Variants in STXBP4 observed in about 807,000 individuals in gnomAD.
STXBP4 encodes the protein syntaxin-binding protein 4.
Under a neutral mutation model 76.1 loss-of-function variants are expected in STXBP4, and 55 were observed. The observed-to-expected ratio is 0.72, with a 90% CI of 0.58 to 0.91. STXBP4 has a LOEUF of 0.91. Ranked by LOEUF, STXBP4 falls within the 40% of genes least tolerant of loss-of-function variation. The pLI is 0.00. For synonymous variants in STXBP4, 201 were observed against 220.2 expected, an observed-to-expected ratio of 0.91 and a Z score of 0.77; for missense variants, 618 against 636.9, an observed-to-expected ratio of 0.97 and a Z score of 0.32.
chr17:55,107,633 T>C (rs1273587245), intron 16 of STXBP4, among the ~76,000 whole-genome samples: 1 of 152,244 alleles, frequency 6.6e-6, no homozygotes, highest in Non-Finnish European at 1.5e-5. Context: ...GTGTTGATGC[T>C]ATTCCTTTCT....
intron 4 of STXBP4, among the ~76,000 whole-genome samples, chr17:54,996,576 CAT>C (rs1311560017): frequency 4.6e-5 from 7 of 152,132 alleles, no homozygotes; most frequent in Admixed American, 1.3e-4. Context: ...CTATAATTTA[CAT>C]ATGTTACTTA....
At chr17:55,195,100 G>A in the STXBP4 span, among the ~76,000 whole-genome samples, 2 of 152,168 alleles carry the variant, frequency 1.3e-5, no homozygotes, top group Non-Finnish European at 2.9e-5. Flanking sequence ...TTAACATCTA[G>A]GTCACCTTAT....
rs2080356991 is a variant in STXBP4 at position 55,163,707 on chromosome 17, C to G, written c.*3796C>G. On this transcript the variant is annotated 3_prime_UTR_variant, in exon 18 of 18. Coordinates refer to ENST00000376352, the MANE Select transcript of STXBP4 (RefSeq NM_178509.6). ...CCATTTTTCTTTCTTTTTTTTCCCCCTAAACAACCTCTTAAAGGGGTAAGA... is the reference window on the plus strand; with the variant it reads ...CCATTTTTCTTTCTTTTTTTTCCCCGTAAACAACCTCTTAAAGGGGTAAGA... The G allele has an allele frequency of 6.6e-6, 1 of 152,458 alleles. No homozygotes were observed. The highest frequency in any genetic ancestry group is 1.5e-5 in the Non-Finnish European group (1 of 67,974). The allele number at this position is 152,458 out of a possible 1,614,324, so 9.4% of individuals were successfully genotyped here. A position where few individuals can be genotyped will look rare whatever the true frequency, so the allele number is the denominator to read the frequency against.
intron 4 of STXBP4, among the ~76,000 whole-genome samples, chr17:54,998,149 CTG>C (rs2144476102): frequency 6.6e-6 from 1 of 152,146 alleles, no homozygotes; most frequent in African/African-American, 2.4e-5. Context: ...AGTAAAATAA[CTG>C]TGAATCACCA....
intron 12 of STXBP4, among the ~76,000 whole-genome samples, chr17:55,057,206 C>G (rs1313694776): frequency 6.6e-6 from 1 of 152,166 alleles, no homozygotes; most frequent in African/African-American, 2.4e-5. Flanking sequence ...GATGCACCTT[C>G]CTTTTGTTTA....
downstream of STXBP4, among the ~76,000 whole-genome samples, chr17:55,176,242 A>T (rs1296059079): frequency 1.3e-5 from 2 of 152,240 alleles, no homozygotes; most frequent in Non-Finnish European, 2.9e-5. Flanking sequence ...AGTGTGACAG[A>T]CGCACATAGT....
chr17:55,051,498 C>T (rs2078858294), intron 12 of STXBP4, among the ~76,000 whole-genome samples: 1 of 152,060 alleles, frequency 6.6e-6, no homozygotes, highest in Non-Finnish European at 1.5e-5. Context: ...AGTTCTGAAA[C>T]AATTTTAGAT....
At chr17:55,078,787 C>A in intron 15 of STXBP4, 52 bp downstream of exon 15, 2 of 998,510 alleles carry the variant, frequency 2.0e-6, no homozygotes, top group Non-Finnish European at 3.2e-6. Flanking sequence ...TTAAATTCTT[C>A]ATCTGGTCAT....
intron 16 of STXBP4, among the ~76,000 whole-genome samples, chr17:55,137,680 T>C (rs1488745146): frequency 2.6e-5 from 4 of 152,112 alleles, no homozygotes; most frequent in Admixed American, 6.6e-5. Context: ...GTACTTCTCA[T>C]AGATTCTTTG....
At chr17:55,128,844 A>C (rs572833057) in intron 16 of STXBP4, among the ~76,000 whole-genome samples, 31 of 150,438 alleles carry the variant, frequency 2.1e-4, no homozygotes, top group Admixed American at 1.5e-3. Flanking sequence ...TGAACTCCTG[A>C]CCTCAGGTGA....
In STXBP4 at chr17:55,168,938, G is replaced by A. The variant is rs79692950; in HGVS notation, c.*9027G>A. On this transcript the variant is annotated 3_prime_UTR_variant, in exon 18 of 18. Coordinates refer to ENST00000376352, the MANE Select transcript of STXBP4 (RefSeq NM_178509.6). Reference sequence around the variant, plus strand: ...TACTCTTCTCAATAGTCCTTAAATGGTTTATTGACCAAAAAGTAAAGAAGT... The same window carrying A: ...TACTCTTCTCAATAGTCCTTAAATGATTTATTGACCAAAAAGTAAAGAAGT... 4 of 152,042 alleles carry A rather than the reference G, an allele frequency of 2.6e-5. No individual in the cohort carries two copies. The highest frequency in any genetic ancestry group is 4.4e-5 in the Non-Finnish European group (3 of 68,022). 9.4% of individuals were successfully genotyped at this position (152,042 alleles called of 1,614,324 possible).
chr17:55,010,039 TTAAAA>T (rs764972642), intron 8 of STXBP4, among the ~76,000 whole-genome samples: 17 of 151,882 alleles, frequency 1.1e-4, no homozygotes, highest in East Asian at 7.7e-4. Context: ...GATCAGGTAT[TTAAAA>T]TAAAATAAAA....
At chr17:55,209,185 AT>A in the STXBP4 span, among the ~76,000 whole-genome samples, 1 of 152,220 alleles carries the variant, frequency 6.6e-6, no homozygotes, top group Admixed American at 6.5e-5. Context: ...TTAAAAAAAA[AT>A]AACTGTTTAT....
intron 16 of STXBP4, among the ~76,000 whole-genome samples, chr17:55,109,595 G>A (rs2079685429): frequency 6.7e-6 from 1 of 148,472 alleles, no homozygotes; most frequent in African/African-American, 2.5e-5. Flanking sequence ...TCCTATTGCT[G>A]CTGTACCAAA....
chr17:55,007,430 T>G, intron 7 of STXBP4, 76 bp from the exon 8 acceptor site: 2 of 1,013,130 alleles, frequency 2.0e-6, no homozygotes, highest in East Asian at 2.4e-5. Context: ...CAGCAGGAAC[T>G]CAGAACATAT....
chr17:55,188,114 A>G, the STXBP4 span, among the ~76,000 whole-genome samples: 1 of 152,224 alleles, frequency 6.6e-6, no homozygotes, highest in Non-Finnish European at 1.5e-5. Flanking sequence ...CTGCCTCTCC[A>G]TTGAAGATAA....
At chr17:55,032,897 CA>C in intron 9 of STXBP4, among the ~76,000 whole-genome samples, 1 of 152,234 alleles carries the variant, frequency 6.6e-6, no homozygotes, top group East Asian at 1.9e-4. Context: ...GTTGACAAAG[CA>C]AGTTACACAC....
chr17:55,035,807 G>T (rs1395836175), intron 10 of STXBP4, among the ~76,000 whole-genome samples: 1 of 151,660 alleles, frequency 6.6e-6, no homozygotes, highest in Non-Finnish European at 1.5e-5. Flanking sequence ...CTTTATTCTG[G>T]TGGCTTCTTG....
At position 55,163,414 on chromosome 17, in the gene STXBP4, A is replaced by G. The variant is rs945401445; in HGVS notation, c.*3503A>G. 1.3e-5 allele frequency: 2 copies of G among 152,134 alleles called. No individual in the cohort carries two copies. Among genetic ancestry groups the G allele is most frequent in the African/African-American group, 4.8e-5 (2 of 41,418 alleles). 9.4% of individuals were successfully genotyped at this position (152,134 alleles called of 1,614,324 possible). A position where few individuals can be genotyped will look rare whatever the true frequency, so the allele number is the denominator to read the frequency against. On this transcript the variant is annotated 3_prime_UTR_variant, in exon 18 of 18. Transcript: ENST00000376352. The stretch of plus-strand genomic sequence containing the variant: ...CTTCTCTTTTCCTACTTTACATGTA[A>G]TGGTTGCGAGGACCAACTTTCAAAT...
Sources: gnomAD v4.1 joint callset for allele counts (sites outside exome capture counted in the v4.1 genomes callset) on GRCh38, gnomAD v4.1.1 for gene constraint, MANE v1.5 for transcripts, NCBI Gene and HGNC (gene_info 2026-07-23, HGNC 2026-07-21) for gene names.